The following ARID5B variants were observed in gnomAD, a reference collection of about 807,000 sequenced individuals.
ARID5B encodes the protein AT-rich interaction domain 5B.
In ARID5B, 13 loss-of-function variants were observed where a neutral mutation model predicts 97.2. The observed-to-expected ratio is 0.13, with a 90% confidence interval of 0.09 to 0.21. ARID5B has a LOEUF of 0.21. ARID5B is among the 10% of genes least tolerant of loss of function. The pLI, the probability that ARID5B is intolerant of heterozygous loss-of-function variation, is 1.00. For missense variants in ARID5B, 1,210 were observed against 1,465.3 expected, an observed-to-expected ratio of 0.83 and a Z score of 2.84; for synonymous variants, 556 against 570.3, an observed-to-expected ratio of 0.97 and a Z score of 0.36.
intron 4 of ARID5B, among the ~76,000 whole-genome samples, chr10:62,025,937 A>G (rs1250960723): frequency 6.6e-6 from 1 of 152,148 alleles, no homozygotes; most frequent in Non-Finnish European, 1.5e-5. Flanking sequence ...AGGTGTTCGT[A>G]TCTGGTGAAT....
chr10:62,080,619 A>G (rs1840199724), intron 8 of ARID5B, among the ~76,000 whole-genome samples: 1 of 152,138 alleles, frequency 6.6e-6, no homozygotes, highest in Non-Finnish European at 1.5e-5. Flanking sequence ...TCCTTCCCAT[A>G]CTTCACAGTA....
At chr10:61,902,137 G>T (rs1374846263) in intron 1 of ARID5B, 22 bp from the exon 2 acceptor site, 2 of 1,610,388 alleles carry the variant, frequency 1.2e-6, no homozygotes, top group Non-Finnish European at 1.7e-6. Context: ...TATTTATTTG[G>T]TGTTTTTTTC....
intron 5 of ARID5B, among the ~76,000 whole-genome samples, chr10:62,054,722 A>G (rs984046926): frequency 3.3e-4 from 50 of 152,182 alleles, no homozygotes; most frequent in African/African-American, 1.2e-3. Flanking sequence ...TTCTGACCTA[A>G]TAATATAGGT....
At chr10:61,976,443 A>G (rs1178496190) in intron 3 of ARID5B, among the ~76,000 whole-genome samples, 1 of 152,192 alleles carries the variant, frequency 6.6e-6, no homozygotes, top group Non-Finnish European at 1.5e-5. Flanking sequence ...AGCCTAAATA[A>G]CTGTGTATAT....
chr10:61,926,640 C>T (rs1844110471), intron 2 of ARID5B, among the ~76,000 whole-genome samples: 1 of 151,998 alleles, frequency 6.6e-6, no homozygotes, highest in Admixed American at 6.6e-5. Flanking sequence ...GACAGAGTCT[C>T]GCTCTGTCAC....
Position 62,092,147 on chromosome 10 carries a change from C to T in ARID5B, c.2684C>T (p.Ala895Val). 4 of 1,606,764 alleles carry T rather than the reference C, an allele frequency of 2.5e-6. No homozygotes were observed. Among genetic ancestry groups the T allele is most frequent in the South Asian group, 1.1e-5 (1 of 89,954 alleles). Residue 895 changes from alanine to valine, a missense_variant, in exon 10 of 10, where the codon GCG (alanine) becomes GTG (valine). By Grantham distance (64) the Ala-to-Val change is moderately conservative. Transcript: ENST00000279873. ...TSLHLQDKKS[A>V]AAEAPTDDQP... The stretch of plus-strand genomic sequence containing the variant: ...CTGCACCTGCAAGACAAAAAGTCGG[C>T]GGCAGCAGAAGCCCCTACGGATGAT...
At chr10:62,086,690 CAAAAAAAAA>C (rs747189859) in intron 9 of ARID5B, among the ~76,000 whole-genome samples, 738 of 23,822 alleles carry the variant, frequency 0.031, 12 homozygotes, top group African/African-American at 0.065. Flanking sequence ...GACTCCATCT[CAAAAAAAAA>C]AAAAAAAAAA....
At chr10:62,058,692 C>T (rs890328878) in intron 6 of ARID5B, among the ~76,000 whole-genome samples, 4 of 152,130 alleles carry the variant, frequency 2.6e-5, no homozygotes, top group South Asian at 2.1e-4. Flanking sequence ...GTGGCCTCCA[C>T]GTGAAATATT....
At chr10:61,980,960 CA>C (rs1221299437) in intron 3 of ARID5B, among the ~76,000 whole-genome samples, 3 of 152,200 alleles carry the variant, frequency 2.0e-5, no homozygotes, top group African/African-American at 7.2e-5. Flanking sequence ...GCTTCCGTGG[CA>C]TCTGCCTTTG....
intron 3 of ARID5B, among the ~76,000 whole-genome samples, chr10:61,955,275 G>A (rs1352047808): frequency 6.6e-6 from 1 of 152,098 alleles, no homozygotes; most frequent in East Asian, 1.9e-4. Context: ...CTATGCTCAC[G>A]CAGAAAGGGA....
intron 4 of ARID5B, among the ~76,000 whole-genome samples, chr10:62,022,921 G>A (rs892093383): frequency 5.3e-5 from 8 of 152,240 alleles, no homozygotes; most frequent in African/African-American, 1.7e-4. Flanking sequence ...AGCAGAACCC[G>A]TGGTGCCCGT....
At chr10:61,984,060 A>G (rs1163929930) in intron 3 of ARID5B, among the ~76,000 whole-genome samples, 1 of 152,214 alleles carries the variant, frequency 6.6e-6, no homozygotes, top group Non-Finnish European at 1.5e-5. Context: ...TGTTGTACCA[A>G]CCATAGCTTT....
chr10:62,004,982 GA>G (rs1424814961), intron 4 of ARID5B, among the ~76,000 whole-genome samples: 4 of 152,224 alleles, frequency 2.6e-5, no homozygotes, highest in African/African-American at 9.6e-5. Flanking sequence ...TTAAAAAAGA[GA>G]TACAGTTTAT....
At position 62,087,409 on chromosome 10, in the gene ARID5B, TTC is replaced by T. The variant is rs540631787; in HGVS notation, c.1398+1511_1398+1512del. Among the ~76,000 whole-genome samples the T allele has an allele frequency of 9.9e-5, 15 of 151,602 alleles. 1 individual carries two copies. The South Asian group carries it at 3.1e-3, about 32-fold the overall frequency. On this transcript the variant is annotated intron_variant, in intron 9 of 9. Coordinates refer to ENST00000279873, the MANE Select transcript of ARID5B (RefSeq NM_032199.3). ...ATTATTTTTCATATTAACAGGTAGT[TTC>T]TGCACTTTTTAAGCCCCCAACAGCC...
intron 2 of ARID5B, among the ~76,000 whole-genome samples, chr10:61,910,783 G>A (rs1381024333): frequency 1.3e-5 from 2 of 152,206 alleles, no homozygotes; most frequent in African/African-American, 2.4e-5. Flanking sequence ...TGCACTGTTA[G>A]CAGCGTTAAA....
chr10:61,964,368 T>C (rs574335241), intron 3 of ARID5B, among the ~76,000 whole-genome samples: 1 of 152,334 alleles, frequency 6.6e-6, no homozygotes, highest in East Asian at 1.9e-4. Context: ...TAGTGCGTTC[T>C]AGCCCTTGCT....
At chr10:62,073,185 A>G (rs1246777348) in intron 8 of ARID5B, among the ~76,000 whole-genome samples, 4 of 151,962 alleles carry the variant, frequency 2.6e-5, no homozygotes, top group African/African-American at 9.7e-5. Flanking sequence ...CATTCTTTTC[A>G]CTCCGATAAA....
chr10:62,011,717 G>A (rs1315142982), intron 4 of ARID5B, among the ~76,000 whole-genome samples: 1 of 152,204 alleles, frequency 6.6e-6, no homozygotes, highest in African/African-American at 2.4e-5. Context: ...GTAGAACTGG[G>A]AGAACAAGTG....
At chr10:61,956,160 G>A (rs957296322) in intron 3 of ARID5B, among the ~76,000 whole-genome samples, 2 of 152,162 alleles carry the variant, frequency 1.3e-5, no homozygotes, top group Admixed American at 6.5e-5. Flanking sequence ...AAACTGGGCC[G>A]CACAGCAGAA....
Sources: allele counts gnomAD v4.1 joint callset (sites outside exome capture counted in the v4.1 genomes callset), GRCh38; gene constraint gnomAD v4.1.1; transcripts MANE v1.5; gene names NCBI Gene and HGNC (gene_info 2026-07-23, HGNC 2026-07-21).